The following TRAF3IP2 variants were observed in gnomAD, a reference collection of about 807,000 sequenced individuals.
TRAF3IP2 encodes TRAF3 interacting protein 2.
Under a neutral mutation model 57.9 loss-of-function variants are expected in TRAF3IP2, and 35 were observed. The ratio of observed to expected loss-of-function variants is 0.60; its 90% CI spans 0.46 to 0.80. The LOEUF (loss-of-function observed/expected upper bound fraction) is 0.80. TRAF3IP2 is among the 30% of genes least tolerant of loss of function. The pLI, the probability that TRAF3IP2 is intolerant of heterozygous loss-of-function variation, is 0.00. For missense variants in TRAF3IP2, 556 were observed against 706.4 expected, an observed-to-expected ratio of 0.79 and a Z score of 2.41; for synonymous variants, 251 against 268.9, an observed-to-expected ratio of 0.93 and a Z score of 0.65.
intron 1 of TRAF3IP2, among the ~76,000 whole-genome samples, chr6:111,594,200 G>A (rs1796611596): frequency 6.6e-6 from 1 of 151,258 alleles, no homozygotes. Context: ...TTATGAAATT[G>A]GATGTGCCAC....
chr6:111,603,084 GCACACA>G (rs3066041), intron 1 of TRAF3IP2, among the ~76,000 whole-genome samples: 2,184 of 149,764 alleles, frequency 0.015, 20 homozygotes, highest in Middle Eastern at 0.021. Context: ...CACAAGGTGT[GCACACA>G]CACACACACA....
At chr6:111,584,860 T>C (rs984623011) in intron 2 of TRAF3IP2, among the ~76,000 whole-genome samples, 1 of 152,178 alleles carries the variant, frequency 6.6e-6, no homozygotes, top group Non-Finnish European at 1.5e-5. Context: ...TATTGAGAAT[T>C]ATAGAGTTCA....
At chr6:111,569,017 C>T (rs975526149) in intron 5 of TRAF3IP2, among the ~76,000 whole-genome samples, 33 of 152,284 alleles carry the variant, frequency 2.2e-4, no homozygotes, top group African/African-American at 7.7e-4. Flanking sequence ...AAGCCTCCTA[C>T]GGAAAGAGAC....
chr6:111,592,558 C>A (rs144417707), intron 1 of TRAF3IP2, among the ~76,000 whole-genome samples: 2 of 151,984 alleles, frequency 1.3e-5, no homozygotes, highest in Non-Finnish European at 2.9e-5. Flanking sequence ...GTGTAAAAAA[C>A]GAGAGGAGAA....
chr6:111,583,534 T>C (rs9320368), intron 2 of TRAF3IP2, among the ~76,000 whole-genome samples: 76,310 of 152,008 alleles, frequency 0.5, 19,806 homozygotes, highest in South Asian at 0.61. Context: ...ACTGCGCACA[T>C]GAGGGATCTA....
chr6:111,566,600 A>G (rs1221121247), intron 6 of TRAF3IP2, 40 bp from the exon 7 acceptor site: 1 of 1,561,758 alleles, frequency 6.4e-7, no homozygotes, highest in South Asian at 1.1e-5. Flanking sequence ...ATGGAAGTGT[A>G]CCAGCAGGAC....
rs1456960770 is a variant in TRAF3IP2 at position 111,591,610 on chromosome 6, T to C, written c.477A>G (p.Ser159=). Reference sequence around the variant, plus strand: ...CTGAGGCATTAGGTAAACTTTGGTCTGATTTGTCTGAGTCATGGCCAGTGT... The same window carrying C: ...CTGAGGCATTAGGTAAACTTTGGTCCGATTTGTCTGAGTCATGGCCAGTGT... ...SPDTGHDSDK[S]DQSLPNASAD... is the part of the protein sequence containing the mutation. The change falls in exon 2 of 9, where the codon TCA becomes TCG. Residue 159 remains serine, a synonymous_variant. Coordinates refer to ENST00000368761, the MANE Select transcript of TRAF3IP2 (RefSeq NM_147686.4). The surrounding 1 kb of genome is among the most constrained non-coding windows in gnomAD (Gnocchi z 4.9). 1.9e-6 allele frequency: 3 copies of C among 1,614,122 alleles called. No homozygotes were observed. Among genetic ancestry groups the C allele is most frequent in the Non-Finnish European group, 2.5e-6 (3 of 1,180,054 alleles).
At chr6:111,580,714 C>T (rs138807588) in intron 2 of TRAF3IP2, among the ~76,000 whole-genome samples, 5 of 152,314 alleles carry the variant, frequency 3.3e-5, no homozygotes, top group African/African-American at 1.2e-4. Context: ...CCATGAAGAA[C>T]CTCTTTCACA....
At chr6:111,600,166 A>G (rs911796544) in intron 1 of TRAF3IP2, 2 of 152,188 alleles carry the variant, frequency 1.3e-5, no homozygotes, top group African/African-American at 4.8e-5. Context: ...AGCAATGGCC[A>G]TTTTGTTATT....
At position 111,560,201 on chromosome 6, in the gene TRAF3IP2, G is replaced by A. The variant is rs114154500; in HGVS notation, c.1552-650C>T. ...GGGTGAAAGATTTGCAGTTTTAAAC[G>A]GGGTGCTTAGGAGAGGTCTCACTGA... On this transcript the variant is annotated intron_variant, in intron 8 of 8. Transcript: ENST00000368761. Among the ~76,000 whole-genome samples, 416 of 152,288 alleles carry A rather than the reference G, an allele frequency of 2.7e-3. 1 individual carries two copies. Among genetic ancestry groups the A allele is most frequent in the African/African-American group, 7.5e-3 (312 of 41,566 alleles).
chr6:111,560,414 C>T (rs1011088562), intron 8 of TRAF3IP2, among the ~76,000 whole-genome samples: 1 of 152,154 alleles, frequency 6.6e-6, no homozygotes, highest in Non-Finnish European at 1.5e-5. Context: ...GGGGCTGTAT[C>T]GGATAGTGCC....
At chr6:111,586,302 C>A (rs538671677) in intron 2 of TRAF3IP2, among the ~76,000 whole-genome samples, 2 of 151,806 alleles carry the variant, frequency 1.3e-5, no homozygotes, top group Admixed American at 1.3e-4. Context: ...ATTCAGTCTC[C>A]TTGGTAGAGA....
intron 1 of TRAF3IP2, among the ~76,000 whole-genome samples, chr6:111,603,957 A>C (rs1015535510): frequency 6.6e-6 from 1 of 152,216 alleles, no homozygotes; most frequent in African/African-American, 2.4e-5. Context: ...GATTAGAGCG[A>C]GGCTGGCAAG....
At chr6:111,594,539 G>A (rs955575979) in intron 1 of TRAF3IP2, 24 of 448,216 alleles carry the variant, frequency 5.4e-5, no homozygotes, top group Non-Finnish European at 8.0e-5. Context: ...GCTTGGAGGA[G>A]GCTTTAAAAA....
chr6:111,596,772 A>AT (rs1228108618), intron 1 of TRAF3IP2, among the ~76,000 whole-genome samples: 2 of 151,752 alleles, frequency 1.3e-5, no homozygotes, highest in Non-Finnish European at 2.9e-5. Context: ...GACTTTTAAA[A>AT]TTTTTTTGTA....
In TRAF3IP2 at chr6:111,591,927, G is replaced by A; in HGVS notation, c.160C>T (p.His54Tyr). The A allele has an allele frequency of 6.2e-7, 1 of 1,614,250 alleles. No homozygotes were observed. The highest frequency in any genetic ancestry group is 8.5e-7 in the Non-Finnish European group (1 of 1,180,050). Residue 54 changes from histidine to tyrosine, a missense_variant, in exon 2 of 9, where the codon CAC (histidine) becomes TAC (tyrosine). Transcript: ENST00000368761. This position sits in a 1 kb window ranked among gnomAD's most constrained non-coding sequence, Gnocchi z 4.9. Reference protein sequence around the residue: ...PNSLSAPTMLHNSSGDFSQAH... With the variant: ...PNSLSAPTMLYNSSGDFSQAH... Reference sequence around the variant, plus strand: ...TGAGAAAAGTCTCCGGAGGAATTGTGAAGCATTGTGGGTGCAGACAAGCTG... The same window carrying A: ...TGAGAAAAGTCTCCGGAGGAATTGTAAAGCATTGTGGGTGCAGACAAGCTG...
intron 2 of TRAF3IP2, among the ~76,000 whole-genome samples, chr6:111,582,246 C>T (rs1796191021): frequency 6.6e-6 from 1 of 152,226 alleles, no homozygotes; most frequent in Non-Finnish European, 1.5e-5. Context: ...ACCCATGTCA[C>T]CACCTGGGTC....
In TRAF3IP2 at chr6:111,555,891, CAGG is replaced by C. The variant is rs1795223323; in HGVS notation, c.*3511_*3513del. On this transcript the variant is annotated 3_prime_UTR_variant, in exon 9 of 9. Transcript: ENST00000368761. ...GGCCGAGGCGGATGGATCACGAGGT[CAGG>C]AGATCAAGACCATCCTGGCTAACAC... Among the ~76,000 whole-genome samples, 1 of 152,178 alleles carries C rather than the reference CAGG, an allele frequency of 6.6e-6. No individual in the cohort carries two copies. The highest frequency in any genetic ancestry group is 1.5e-5 in the Non-Finnish European group (1 of 68,032).
rs115781221 is a variant in TRAF3IP2 at position 111,577,559 on chromosome 6, T to C, written c.1023-1738A>G. 2.4e-3 allele frequency among the ~76,000 whole-genome samples: 363 copies of C among 151,818 alleles called. 2 individuals carry two copies. Among genetic ancestry groups the C allele is most frequent in the African/African-American group, 8.4e-3 (349 of 41,340 alleles). ...ATGAGCCACCACACCTGGCTAATTT[T>C]TGTATTATTTTGGTAGAGATGGGAT... On this transcript the variant is annotated intron_variant, in intron 3 of 8. Transcript: ENST00000368761.
Sources: allele counts gnomAD v4.1 joint callset (sites outside exome capture counted in the v4.1 genomes callset), GRCh38; gene constraint gnomAD v4.1.1; non-coding constraint Gnocchi (gnomAD v3.1); transcripts MANE v1.5; gene names NCBI Gene and HGNC (gene_info 2026-07-23, HGNC 2026-07-21).